The following IQGAP3 variants were observed in gnomAD, a reference collection of about 807,000 sequenced individuals.
The protein encoded by IQGAP3 is IQ motif containing GTPase activating protein 3, also known as ras GTPase-activating-like protein IQGAP3.
IQGAP3 carries 165 observed loss-of-function variants against 208.2 expected under a neutral mutation model. That is an observed-to-expected ratio of 0.79 (90% CI 0.70 to 0.90). The LOEUF (loss-of-function observed/expected upper bound fraction) is 0.90, where lower values mean the gene tolerates loss of function less well. IQGAP3 is among the 40% of genes least tolerant of loss of function. The pLI, the probability that IQGAP3 is intolerant of heterozygous loss-of-function variation, is 0.00. For missense variants in IQGAP3, 1,811 were observed against 2,043.1 expected, an observed-to-expected ratio of 0.89 and a Z score of 2.19; for synonymous variants, 703 against 803.6, an observed-to-expected ratio of 0.87 and a Z score of 2.12.
chr1:156,555,637 C>G (rs1447836110), intron 12 of IQGAP3, among the ~76,000 whole-genome samples: 1 of 152,162 alleles, frequency 6.6e-6, no homozygotes, highest in Non-Finnish European at 1.5e-5. Flanking sequence ...AGGTTCTTCT[C>G]TAAGCAAATA....
At position 156,566,414 on chromosome 1, in the gene IQGAP3, G is replaced by C; in HGVS notation, c.258C>G (p.Tyr86Ter). 1.2e-6 allele frequency: 2 copies of C among 1,614,188 alleles called. No individual in the cohort carries two copies. Among genetic ancestry groups the C allele is most frequent in the African/African-American group, 1.3e-5 (1 of 75,042 alleles). ...CCTGGTACCGCAGCTGCTCCACATC[G>C]TAGATCTTCTTCAAGGGAACCACGG... ...APSVVPLKKI[Y>*]DVEQLRYQAT... The change falls in exon 3 of 38, where the codon TAC becomes TAG. Residue 86 changes from tyrosine to a stop codon, truncating the protein, a stop_gained. Coordinates refer to ENST00000361170, the MANE Select transcript of IQGAP3 (RefSeq NM_178229.5). LOFTEE classifies it high-confidence loss of function.
Position 156,554,318 on chromosome 1 carries a change from C to T in IQGAP3, c.1365G>A (p.Glu455=). The T allele has an allele frequency of 6.2e-7, 1 of 1,614,200 alleles. No individual in the cohort carries two copies. The highest frequency in any genetic ancestry group is 8.5e-7 in the Non-Finnish European group (1 of 1,180,028). The change falls in exon 13 of 38, where the codon GAG becomes GAA. Residue 455 remains glutamate (E), a synonymous_variant. Transcript: ENST00000361170. ...TCCAGAAGCCACTGGCATCCCGGGC[C>T]TCCAGGGCCCGGTTAATCAGGACCA... ...SAVVLINRAL[E]ARDASGFWSS...
At chr1:156,548,846 A>G in intron 16 of IQGAP3, 98 bp from the exon 17 acceptor site, 1 of 1,232,144 alleles carries the variant, frequency 8.1e-7, no homozygotes, top group Non-Finnish European at 1.1e-6. Context: ...GAAAGAGGAC[A>G]CAAAATCACC....
At position 156,528,530 on chromosome 1, in the gene IQGAP3, A is replaced by G. The variant is rs915061726; in HGVS notation, c.4652T>C (p.Ile1551Thr). The G allele has an allele frequency of 8.1e-6, 13 of 1,613,768 alleles. No homozygotes were observed. Among genetic ancestry groups the G allele is most frequent in the African/African-American group, 5.3e-5 (4 of 74,896 alleles). The change falls in exon 36 of 38, where the codon ATT (isoleucine) becomes ACT (threonine). Residue 1551 changes from isoleucine to threonine, a missense_variant. Coordinates refer to ENST00000361170, the MANE Select transcript of IQGAP3 (RefSeq NM_178229.5). ...ATACTGAGAGGCGGGAAGATCTTCA[A>G]TTTCCACCAAGACACCCTTTTCCAG... is the stretch of plus-strand genomic sequence containing the variant. ...QLLEKGVLVE[I>T]EDLPASHFRN... is the part of the protein sequence containing the mutation.
intron 8 of IQGAP3, among the ~76,000 whole-genome samples, chr1:156,562,870 A>G (rs1557944675): frequency 6.6e-6 from 1 of 152,204 alleles, no homozygotes; most frequent in Non-Finnish European, 1.5e-5. Context: ...CCTCCAGTCC[A>G]ATCTCATTCT....
At chr1:156,571,920 C>A (rs1227418282) in intron 1 of IQGAP3, among the ~76,000 whole-genome samples, 1 of 152,222 alleles carries the variant, frequency 6.6e-6, no homozygotes, top group Non-Finnish European at 1.5e-5. Flanking sequence ...GGACTACCTT[C>A]CTCACAATCA....
chr1:156,548,496 A>G lies in IQGAP3; in HGVS notation c.1994-9T>C, dbSNP rs765482805. The G allele has an allele frequency of 2.1e-5, 34 of 1,612,344 alleles. No homozygotes were observed. Among genetic ancestry groups the G allele is most frequent in the Non-Finnish European group, 2.9e-5 (34 of 1,178,920 alleles). The stretch of plus-strand genomic sequence containing the variant: ...CCAGAAAGCTGTGTCTGCTAAGCAG[A>G]AACCAAGCAAGCAGAAAAGGTTCAG... On this transcript the variant is annotated splice_polypyrimidine_tract_variant and intron_variant, in intron 17 of 37. Transcript: ENST00000361170.
Position 156,548,064 on chromosome 1 carries a change from G to A in IQGAP3, c.2304+9C>T. The A allele has an allele frequency of 6.2e-7, 1 of 1,611,126 alleles. No individual in the cohort carries two copies. Among genetic ancestry groups the A allele is most frequent in the East Asian group, 2.2e-5 (1 of 44,764 alleles). On this transcript the variant is annotated intron_variant, in intron 19 of 37. Transcript: ENST00000361170. ...GGCCCTGAAGACTGAGAAAGCCAGAGCCTGCCACCTGGATCTTGATGACTG... is the reference window on the plus strand; with the variant it reads ...GGCCCTGAAGACTGAGAAAGCCAGAACCTGCCACCTGGATCTTGATGACTG...
rs1184001366 is a variant in IQGAP3 at position 156,539,546 on chromosome 1, A to G, written c.2893-9T>C. On this transcript the variant is annotated splice_polypyrimidine_tract_variant and intron_variant, in intron 24 of 37. Transcript: ENST00000361170. ...AGGTAGATGGGCTGAGTCTGCAAGC[A>G]AGAGGGGAGACAGGAATGGCTGACC... 6.2e-7 allele frequency: 1 copy of G among 1,614,046 alleles called. No individual in the cohort carries two copies. Among genetic ancestry groups the G allele is most frequent in the Admixed American group, 1.7e-5 (1 of 60,016 alleles).
At chr1:156,530,562 C>G (rs1400951177) in intron 33 of IQGAP3, among the ~76,000 whole-genome samples, 2 of 152,180 alleles carry the variant, frequency 1.3e-5, no homozygotes, top group African/African-American at 2.4e-5. Context: ...TAGATCACCA[C>G]AGGGGAAGAG....
Position 156,550,278 on chromosome 1 carries a change from G to A in IQGAP3, c.1808C>T (p.Thr603Ile). ...RQGVVRANQD[T>I]NTAQRMALGV... is the part of the protein sequence containing the mutation. The stretch of plus-strand genomic sequence containing the variant: ...CCATTTACTTCTCTGAGCTGTATTA[G>A]TGTCCTGGTTGGCTCTGACCACTCC... The change falls in exon 16 of 38, where the codon ACT (threonine) becomes ATT (isoleucine). Residue 603 changes from threonine (T) to isoleucine (I), a missense_variant. Transcript: ENST00000361170. 6.2e-7 allele frequency: 1 copy of A among 1,612,720 alleles called. No individual in the cohort carries two copies. Among genetic ancestry groups the A allele is most frequent in the Non-Finnish European group, 8.5e-7 (1 of 1,178,928 alleles).
At chr1:156,530,066 G>T in intron 34 of IQGAP3, 39 bp downstream of exon 34, 1 of 1,483,944 alleles carries the variant, frequency 6.7e-7, no homozygotes, top group Non-Finnish European at 9.2e-7. Flanking sequence ...ACACACACAC[G>T]TACACACAGG....
At chr1:156,527,064 C>T (rs1446317286) in intron 37 of IQGAP3, among the ~76,000 whole-genome samples, 6 of 151,214 alleles carry the variant, frequency 4.0e-5, no homozygotes, top group Non-Finnish European at 1.5e-5. Context: ...AACTGCTGAC[C>T]TCGTGATCCG....
At chr1:156,564,416 C>T (rs1035028906) in intron 5 of IQGAP3, among the ~76,000 whole-genome samples, 199 bp downstream of exon 5, 1 of 152,164 alleles carries the variant, frequency 6.6e-6, no homozygotes, top group Non-Finnish European at 1.5e-5. Flanking sequence ...TCCCCTTCAC[C>T]CACACAGGCC....
In IQGAP3 at chr1:156,525,469, G is replaced by A. The variant is rs1322980467; in HGVS notation, c.*1017C>T. The A allele has an allele frequency of 1.3e-5, 2 of 152,614 alleles. No homozygotes were observed. Among genetic ancestry groups the A allele is most frequent in the Admixed American group, 6.6e-5 (1 of 15,254 alleles). The allele number at this position is 152,614 out of a possible 1,614,324, so 9.5% of individuals were successfully genotyped here. ...CAGTACAGGAAGTTGGGTAGATGTG[G>A]GGACAACAGAGAGACTGTGGCAGAG... is the stretch of plus-strand genomic sequence containing the variant. On this transcript the variant is annotated 3_prime_UTR_variant, in exon 38 of 38. Transcript: ENST00000361170.
chr1:156,542,555 G>A (rs1458986026), intron 22 of IQGAP3, among the ~76,000 whole-genome samples: 3 of 152,150 alleles, frequency 2.0e-5, no homozygotes, highest in Non-Finnish European at 2.9e-5. Flanking sequence ...TCTTGGATTC[G>A]ATGAAATACA....
intron 19 of IQGAP3, among the ~76,000 whole-genome samples, chr1:156,544,685 C>T (rs1237928235): frequency 6.6e-6 from 1 of 152,134 alleles, no homozygotes; most frequent in Non-Finnish European, 1.5e-5. Flanking sequence ...CTGCCATACT[C>T]CCTGGTCCCA....
chr1:156,561,880 C>G lies in IQGAP3; in HGVS notation c.999G>C (p.Trp333Cys). Residue 333 changes from tryptophan to cysteine, a missense_variant, in exon 10 of 38, where the codon TGG becomes TGC. Trp to Cys is a radical substitution (Grantham distance 215, BLOSUM62 -2). Coordinates refer to ENST00000361170, the MANE Select transcript of IQGAP3 (RefSeq NM_178229.5). ...TGTCTGAGTTCAGCTGCTCCAGGTA[C>G]CAGTCAGCAAAGTCTCTCCTCACCC... is the stretch of plus-strand genomic sequence containing the variant. ...LRGVRRDFAD[W>C]YLEQLNSDRE... The G allele has an allele frequency of 1.2e-6, 2 of 1,614,080 alleles. No individual in the cohort carries two copies. Among genetic ancestry groups the G allele is most frequent in the Non-Finnish European group, 1.7e-6 (2 of 1,179,990 alleles).
chr1:156,549,974 T>A (rs72710278), intron 16 of IQGAP3, among the ~76,000 whole-genome samples: 1 of 152,224 alleles, frequency 6.6e-6, no homozygotes, highest in Non-Finnish European at 1.5e-5. Flanking sequence ...GACTACCGCA[T>A]GATCTCACAT....
Sources: allele counts gnomAD v4.1 joint callset (sites outside exome capture counted in the v4.1 genomes callset), GRCh38; gene constraint gnomAD v4.1.1; transcripts MANE v1.5; gene names NCBI Gene and HGNC (gene_info 2026-07-23, HGNC 2026-07-21).